Variants in PLEKHB1 observed in about 807,000 individuals in gnomAD.
The protein encoded by PLEKHB1 is pleckstrin homology domain-containing family B member 1.
A neutral mutation model predicts 36.2 loss-of-function variants in PLEKHB1; 29 were observed. The observed-to-expected ratio is 0.80, with a 90% CI of 0.60 to 1.09. The LOEUF (loss-of-function observed/expected upper bound fraction) is 1.09. Ranked by LOEUF, PLEKHB1 falls within the 50% of genes least tolerant of loss-of-function variation. The pLI is 0.00. For synonymous variants in PLEKHB1, 138 were observed against 140.0 expected, an observed-to-expected ratio of 0.99 and a Z score of 0.10; for missense variants, 330 against 348.2, an observed-to-expected ratio of 0.95 and a Z score of 0.42.
chr11:73,652,776 TA>T (rs1406417462), intron 4 of PLEKHB1, 198 bp from the exon 5 acceptor site: 4 of 521,130 alleles, frequency 7.7e-6, no homozygotes, highest in Non-Finnish European at 1.4e-5. Flanking sequence ...AAGAATGAAT[TA>T]GCCTAACTTA....
chr11:73,660,794 GC>G lies in PLEKHB1; in HGVS notation c.543del (p.Asn182MetfsTer21). The G allele has an allele frequency of 2.5e-6, 4 of 1,602,362 alleles. No homozygotes were observed. The highest frequency in any genetic ancestry group is 2.6e-6 in the Non-Finnish European group (3 of 1,175,606). On this transcript the variant is annotated frameshift_variant, in exon 7 of 8. Coordinates refer to ENST00000354190, the MANE Select transcript of PLEKHB1 (RefSeq NM_021200.3). LOFTEE classifies it high-confidence loss of function. ...CGTACCAAGACTACTACGAGGTGGT[GC>G]CCCCCAATGCACACGAGGCCACGTA... is the stretch of plus-strand genomic sequence containing the variant. ...SPYQDYYEVVPPNAHEATYVR... is the reference protein window; with the variant it reads ...SPYQDYYEVVXPNAHEATYVR...
chr11:73,647,943 C>G, intron 1 of PLEKHB1: 2 of 985,450 alleles, frequency 2.0e-6, no homozygotes, highest in African/African-American at 1.7e-5. Flanking sequence ...GCAAGTGAGT[C>G]GCCCTCAGGA....
In PLEKHB1 at chr11:73,650,794, T is replaced by C. The variant is rs1165752915; in HGVS notation, c.247+89T>C. The C allele has an allele frequency of 7.0e-6, 10 of 1,421,002 alleles. No homozygotes were observed. The East Asian group carries it at 2.5e-4, about 36-fold the overall frequency. The allele number at this position is 1,421,002 out of a possible 1,614,324, so 88.0% of individuals were successfully genotyped here. A position where few individuals can be genotyped will look rare whatever the true frequency, so the allele number is the denominator to read the frequency against. On this transcript the variant is annotated intron_variant, in intron 3 of 7. Coordinates refer to ENST00000354190, the MANE Select transcript of PLEKHB1 (RefSeq NM_021200.3). ...GAACACTTGCTGTTGGAAGTCTTTT[T>C]GCAGCTTTCAGAGGCATTTCACAGA...
intron 3 of PLEKHB1, 75 bp downstream of exon 3, chr11:73,650,780 G>T: frequency 6.9e-7 from 1 of 1,450,230 alleles, no homozygotes; most frequent in Non-Finnish European, 9.1e-7. Context: ...AACACTTGCT[G>T]TTGGAAGTCT....
chr11:73,659,070 A>G (rs992967595), intron 6 of PLEKHB1, among the ~76,000 whole-genome samples: 6 of 152,110 alleles, frequency 3.9e-5, no homozygotes, highest in African/African-American at 1.4e-4. Context: ...CTAAAAATAC[A>G]GAAAAATTAG....
At chr11:73,652,735 T>C in intron 4 of PLEKHB1, 1 of 474,228 alleles carries the variant, frequency 2.1e-6, no homozygotes, top group Non-Finnish European at 3.8e-6. Flanking sequence ...ACTGTATAGA[T>C]GAGGAAACTG....
At chr11:73,660,596 G>A (rs1945085051) in intron 6 of PLEKHB1, 157 bp from the exon 7 acceptor site, 4 of 664,064 alleles carry the variant, frequency 6.0e-6, no homozygotes, top group Non-Finnish European at 7.8e-6. Context: ...GGGAGGGCAG[G>A]GCCTTTCTCC....
chr11:73,655,890 G>T lies in PLEKHB1; in HGVS notation c.478G>T (p.Val160Phe), dbSNP rs1944984586. The T allele has an allele frequency of 1.2e-6, 2 of 1,613,720 alleles. No homozygotes were observed. The highest frequency in any genetic ancestry group is 1.7e-6 in the Non-Finnish European group (2 of 1,179,864). The change falls in exon 6 of 8, where the codon GTT (valine) becomes TTT (phenylalanine). Residue 160 changes from valine to phenylalanine, a missense_variant. Physicochemically the swap from Val to Phe is conservative, Grantham distance 50 (BLOSUM62 -1). Transcript: ENST00000354190. ...CVTRSWSPCKVERRIWVRVYS... is the reference protein window; with the variant it reads ...CVTRSWSPCKFERRIWVRVYS... ...GACCCGCTCGTGGAGCCCCTGTAAG[G>T]TTGAGAGGCGGATCTGGGTAAGTGC...
At chr11:73,654,738 G>A (rs1325346557) in intron 5 of PLEKHB1, among the ~76,000 whole-genome samples, 1 of 152,194 alleles carries the variant, frequency 6.6e-6, no homozygotes, top group Non-Finnish European at 1.5e-5. Flanking sequence ...ATGCGTCTAA[G>A]GGCCCAGAGT....
chr11:73,660,476 T>C lies in PLEKHB1; in HGVS notation c.496-277T>C, dbSNP rs1008589943. 2.5e-5 allele frequency: 12 copies of C among 480,304 alleles called. No individual in the cohort carries two copies. In the Admixed American group the frequency reaches 3.2e-4, roughly 13 times the overall value. The allele number at this position is 480,304 out of a possible 1,614,324, so 29.8% of individuals were successfully genotyped here. On this transcript the variant is annotated intron_variant, in intron 6 of 7. Coordinates refer to ENST00000354190, the MANE Select transcript of PLEKHB1 (RefSeq NM_021200.3). ...ATATTAGACTACCTATAAGGAGAAATTGGGAGCCATAGAGAATTTTTTGAG... is the reference window on the plus strand; with the variant it reads ...ATATTAGACTACCTATAAGGAGAAACTGGGAGCCATAGAGAATTTTTTGAG...
At chr11:73,653,362 C>T (rs1466823356) in intron 5 of PLEKHB1, 3 of 550,128 alleles carry the variant, frequency 5.5e-6, no homozygotes, top group African/African-American at 1.9e-5. Flanking sequence ...ATTGTTCTCT[C>T]TCTGCAGATG....
intron 5 of PLEKHB1, among the ~76,000 whole-genome samples, chr11:73,654,164 C>T (rs1049702692): frequency 7.9e-5 from 12 of 152,132 alleles, no homozygotes; most frequent in African/African-American, 2.9e-4. Context: ...GCCTTGTTGG[C>T]CGAGACAGGC....
At chr11:73,651,752 G>A (rs1361744907) in intron 3 of PLEKHB1, 36 bp from the exon 4 acceptor site, 1 of 1,552,500 alleles carries the variant, frequency 6.4e-7, no homozygotes, top group South Asian at 1.1e-5. Context: ...TGGGGCTTGT[G>A]CCTGTGGAAA....
chr11:73,656,675 G>C (rs144857380), intron 6 of PLEKHB1, among the ~76,000 whole-genome samples: 1 of 152,146 alleles, frequency 6.6e-6, no homozygotes, highest in Non-Finnish European at 1.5e-5. Context: ...TGGCAGGAGG[G>C]GGCTTGAGTG....
intron 6 of PLEKHB1, 130 bp from the exon 7 acceptor site, chr11:73,660,623 C>A: frequency 1.2e-6 from 1 of 813,234 alleles, no homozygotes; most frequent in Non-Finnish European, 2.0e-6. Context: ...TTGCTAGTGG[C>A]TGGAGGCCCA....
At chr11:73,658,648 CCT>C (rs1945042187) in intron 6 of PLEKHB1, among the ~76,000 whole-genome samples, 1 of 151,996 alleles carries the variant, frequency 6.6e-6, no homozygotes, top group African/African-American at 2.4e-5. Flanking sequence ...ACAGGATCTC[CCT>C]CTGTTGCCCA....
At chr11:73,650,765 C>G in intron 3 of PLEKHB1, 60 bp downstream of exon 3, 2 of 1,483,690 alleles carry the variant, frequency 1.3e-6, no homozygotes, top group Non-Finnish European at 1.8e-6. Context: ...CCCGCTGTCT[C>G]CGAGAACACT....
chr11:73,659,217 A>ACT (rs1376150475), intron 6 of PLEKHB1, among the ~76,000 whole-genome samples: 2 of 109,412 alleles, frequency 1.8e-5, no homozygotes. Context: ...CAAGAATGAA[A>ACT]CTCTGTCTCA....
intron 3 of PLEKHB1, 85 bp from the exon 4 acceptor site, chr11:73,651,703 G>A: frequency 1.8e-6 from 2 of 1,097,800 alleles, no homozygotes; most frequent in Non-Finnish European, 2.7e-6. Context: ...GCCCAGAGAA[G>A]TCAATTCCTA....
Sources: gnomAD v4.1 joint callset for allele counts (sites outside exome capture counted in the v4.1 genomes callset) on GRCh38, gnomAD v4.1.1 for gene constraint, MANE v1.5 for transcripts, NCBI Gene and HGNC (gene_info 2026-07-23, HGNC 2026-07-21) for gene names.